HPCA: variants seen among roughly 807,000 people sequenced by gnomAD.
HPCA encodes the protein hippocalcin.
HPCA carries 4 observed loss-of-function variants against 18.2 expected under a neutral mutation model. That is an observed-to-expected ratio of 0.22 (90% CI 0.11 to 0.50). HPCA has a LOEUF of 0.50. HPCA is among the 20% of genes least tolerant of loss of function. HPCA has a pLI of 0.97. For synonymous variants in HPCA, 93 were observed against 103.5 expected, an observed-to-expected ratio of 0.90 and a Z score of 0.61; for missense variants, 161 against 265.8, an observed-to-expected ratio of 0.61 and a Z score of 2.74.
At position 32,886,523 on chromosome 1, in the gene HPCA, G is replaced by A. The variant is rs1211119239; in HGVS notation, c.-22+8G>A. The A allele has an allele frequency of 6.6e-6, 1 of 152,210 alleles. No homozygotes were observed. The highest frequency in any genetic ancestry group is 1.5e-5 in the Non-Finnish European group (1 of 68,082). The allele number at this position is 152,210 out of a possible 1,614,324, so 9.4% of individuals were successfully genotyped here. A position where few individuals can be genotyped will look rare whatever the true frequency, so the allele number is the denominator to read the frequency against. On this transcript the variant is annotated splice_region_variant and intron_variant, in intron 1 of 3. Coordinates refer to ENST00000373467, the MANE Select transcript of HPCA (RefSeq NM_002143.3). The surrounding 1 kb of genome is among the most constrained non-coding windows in gnomAD (Gnocchi z 7.0). ...GTGTCTCCGCGTCGCTGGGTGAGTG[G>A]GGGCAGCTCCAGCCGGGGCCGGGGG...
At chr1:32,892,447 A>C (rs1391946775) in intron 2 of HPCA, among the ~76,000 whole-genome samples, 1 of 152,152 alleles carries the variant, frequency 6.6e-6, no homozygotes, top group Non-Finnish European at 1.5e-5. Flanking sequence ...CCTGGGTTGG[A>C]GAAGACCTCG....
In HPCA at chr1:32,894,154, CCAA is replaced by C; in HGVS notation, c.*293_*295del. ...CCAGCCCCAAGGCCCGACCCCTCCC[CCAA>C]AGGGGCAGTCCCCTTCTTGCAGGTC... On this transcript the variant is annotated 3_prime_UTR_variant, in exon 4 of 4. Transcript: ENST00000373467. 1 of 415,264 alleles carries C rather than the reference CCAA, an allele frequency of 2.4e-6. No homozygotes were observed. Among genetic ancestry groups the C allele is most frequent in the Non-Finnish European group, 4.3e-6 (1 of 230,646 alleles). The allele number at this position is 415,264 out of a possible 1,614,324, so 25.7% of individuals were successfully genotyped here.
chr1:32,887,052 A>G (rs1177119471), intron 1 of HPCA, among the ~76,000 whole-genome samples: 1 of 152,116 alleles, frequency 6.6e-6, no homozygotes, highest in African/African-American at 2.4e-5. Flanking sequence ...AGTGCGGGAC[A>G]TGCCCCAGCC....
In HPCA at chr1:32,893,922, C is replaced by T. The variant is rs1341364554; in HGVS notation, c.*60C>T. 5 of 1,217,042 alleles carry T rather than the reference C, an allele frequency of 4.1e-6. No homozygotes were observed. The highest frequency in any genetic ancestry group is 5.9e-6 in the Non-Finnish European group (5 of 849,102). 75.4% of individuals were successfully genotyped at this position (1,217,042 alleles called of 1,614,324 possible). Reference sequence around the variant, plus strand: ...CGGCCCCCTCCCGGCTCTTAGCTTCCACTCCCTTGTGTGTATTCTGGCTGG... The same window carrying T: ...CGGCCCCCTCCCGGCTCTTAGCTTCTACTCCCTTGTGTGTATTCTGGCTGG... On this transcript the variant is annotated 3_prime_UTR_variant, in exon 4 of 4. Coordinates refer to ENST00000373467, the MANE Select transcript of HPCA (RefSeq NM_002143.3). This position sits in a 1 kb window ranked among gnomAD's most constrained non-coding sequence, Gnocchi z 7.5.
In HPCA at chr1:32,886,838, C is replaced by T. The variant is rs1310751813; in HGVS notation, c.-22+323C>T. On this transcript the variant is annotated intron_variant, in intron 1 of 3. Transcript: ENST00000373467. The surrounding 1 kb of genome is among the most constrained non-coding windows in gnomAD (Gnocchi z 7.0). ...GCTGAGGGAGGTTTGGAGCGGGTCCCCGGGGCTGGCTTCTCAGGTCGAGCT... is the reference window on the plus strand; with the variant it reads ...GCTGAGGGAGGTTTGGAGCGGGTCCTCGGGGCTGGCTTCTCAGGTCGAGCT... 2.0e-5 allele frequency among the ~76,000 whole-genome samples: 3 copies of T among 152,128 alleles called. No homozygotes were observed. Among genetic ancestry groups the T allele is most frequent in the Non-Finnish European group, 4.4e-5 (3 of 68,012 alleles).
rs115043555 is a variant in HPCA at position 32,893,313 on chromosome 1, C to T, written c.379-211C>T. 6.1e-3 allele frequency among the ~76,000 whole-genome samples: 927 copies of T among 152,298 alleles called. 10 individuals are homozygous for T. The highest frequency in any genetic ancestry group is 0.022 in the African/African-American group (897 of 41,554). On this transcript the variant is annotated intron_variant, in intron 2 of 3. Coordinates refer to ENST00000373467, the MANE Select transcript of HPCA (RefSeq NM_002143.3). This position sits in a 1 kb window ranked among gnomAD's most constrained non-coding sequence, Gnocchi z 7.5. The stretch of plus-strand genomic sequence containing the variant: ...TCCCACCCAGCCCTCCAAGGGAGCG[C>T]GGCAGGGCCCGCCCGATAGCCCTCT...
intron 2 of HPCA, among the ~76,000 whole-genome samples, chr1:32,892,400 T>C (rs1473426764): frequency 6.6e-6 from 1 of 152,132 alleles, no homozygotes; most frequent in East Asian, 1.9e-4. Flanking sequence ...AAAGGAAAAG[T>C]CCGCCAGGCT....
chr1:32,892,337 T>C (rs1356928558), intron 2 of HPCA, among the ~76,000 whole-genome samples: 1 of 152,170 alleles, frequency 6.6e-6, no homozygotes, highest in East Asian at 1.9e-4. Flanking sequence ...TAGACGTCCA[T>C]GTTTGCAGGA....
At position 32,893,848 on chromosome 1, in the gene HPCA, G is replaced by A. The variant is rs550921485; in HGVS notation, c.568G>A (p.Ala190Thr). Residue 190 changes from alanine (A) to threonine (T), a missense_variant, in exon 4 of 4, where the codon GCC (alanine) becomes ACC (threonine). By Grantham distance (58) the Ala-to-Thr change is moderately conservative. Coordinates refer to ENST00000373467, the MANE Select transcript of HPCA (RefSeq NM_002143.3). This position sits in a 1 kb window ranked among gnomAD's most constrained non-coding sequence, Gnocchi z 7.5. ...TCTGCTGCAGTGCGACCCCAGCAGCGCCTCCCAGTTCTGAGAGGAGCCAGG... is the reference window on the plus strand; with the variant it reads ...TCTGCTGCAGTGCGACCCCAGCAGCACCTCCCAGTTCTGAGAGGAGCCAGG... ...VRLLQCDPSS[A>T]SQF 2.0e-4 allele frequency: 318 copies of A among 1,570,368 alleles called. 4 individuals are homozygous for A. In the South Asian group the frequency reaches 3.5e-3, roughly 17 times the overall value.
At chr1:32,887,571 T>G (rs1641390947) in intron 1 of HPCA, among the ~76,000 whole-genome samples, 1 of 152,012 alleles carries the variant, frequency 6.6e-6, no homozygotes, top group African/African-American at 2.4e-5. Flanking sequence ...AGGGTAAGTG[T>G]TGGGGAGGCT....
intron 2 of HPCA, among the ~76,000 whole-genome samples, chr1:32,892,828 C>G (rs575597419): frequency 1.4e-4 from 22 of 152,278 alleles, no homozygotes; most frequent in African/African-American, 4.6e-4. Context: ...ACAGGCCAAG[C>G]CCTACGTGCT....
Position 32,894,020 on chromosome 1 carries a change from AC to A in HPCA, c.*163del. 1 of 613,758 alleles carries A rather than the reference AC, an allele frequency of 1.6e-6. No individual in the cohort carries two copies. Among genetic ancestry groups the A allele is most frequent in the South Asian group, 2.0e-5 (1 of 50,982 alleles). 38.0% of individuals were successfully genotyped at this position (613,758 alleles called of 1,614,324 possible). A position where few individuals can be genotyped will look rare whatever the true frequency, so the allele number is the denominator to read the frequency against. On this transcript the variant is annotated 3_prime_UTR_variant, in exon 4 of 4. Transcript: ENST00000373467. The stretch of plus-strand genomic sequence containing the variant: ...CTTCCGGAAAAGGGAACCCTGCGGT[AC>A]CCCCAGGCCAAAGCAAGTAAGCGGT...
chr1:32,893,712 C>G lies in HPCA; in HGVS notation c.485-53C>G. 1 of 1,469,226 alleles carries G rather than the reference C, an allele frequency of 6.8e-7. No homozygotes were observed. Among genetic ancestry groups the G allele is most frequent in the Non-Finnish European group, 9.4e-7 (1 of 1,063,918 alleles). 91.0% of individuals were successfully genotyped at this position (1,469,226 alleles called of 1,614,324 possible). A position where few individuals can be genotyped will look rare whatever the true frequency, so the allele number is the denominator to read the frequency against. On this transcript the variant is annotated intron_variant, in intron 3 of 3. Coordinates refer to ENST00000373467, the MANE Select transcript of HPCA (RefSeq NM_002143.3). The surrounding 1 kb of genome is among the most constrained non-coding windows in gnomAD (Gnocchi z 7.5). ...CCTGCCTCCCTTTCCCGCTCCGCCTCCCCTCGCTAGGCTGCCGCCTCCTCC... is the reference window on the plus strand; with the variant it reads ...CCTGCCTCCCTTTCCCGCTCCGCCTGCCCTCGCTAGGCTGCCGCCTCCTCC...
At position 32,894,159 on chromosome 1, in the gene HPCA, G is replaced by T; in HGVS notation, c.*297G>T. The T allele has an allele frequency of 2.5e-6, 1 of 399,144 alleles. No homozygotes were observed. The highest frequency in any genetic ancestry group is 4.8e-5 in the South Asian group (1 of 20,992). 24.7% of individuals were successfully genotyped at this position (399,144 alleles called of 1,614,324 possible). A position where few individuals can be genotyped will look rare whatever the true frequency, so the allele number is the denominator to read the frequency against. On this transcript the variant is annotated 3_prime_UTR_variant, in exon 4 of 4. Transcript: ENST00000373467. ...CCCAAGGCCCGACCCCTCCCCCAAA[G>T]GGGCAGTCCCCTTCTTGCAGGTCTC...
At position 32,893,948 on chromosome 1, in the gene HPCA, G is replaced by T; in HGVS notation, c.*86G>T. On this transcript the variant is annotated 3_prime_UTR_variant, in exon 4 of 4. Transcript: ENST00000373467. This position sits in a 1 kb window ranked among gnomAD's most constrained non-coding sequence, Gnocchi z 7.5. ...ACTCCCTTGTGTGTATTCTGGCTGGGGGCCAGATTGGGGAAGCCCTTCTCC... is the reference window on the plus strand; with the variant it reads ...ACTCCCTTGTGTGTATTCTGGCTGGTGGCCAGATTGGGGAAGCCCTTCTCC... 1 of 1,003,888 alleles carries T rather than the reference G, an allele frequency of 1.0e-6. No homozygotes were observed. The allele number at this position is 1,003,888 out of a possible 1,614,324, so 62.2% of individuals were successfully genotyped here.
Position 32,893,952 on chromosome 1 carries a change from C to G in HPCA, c.*90C>G, listed in dbSNP as rs1485911453. On this transcript the variant is annotated 3_prime_UTR_variant, in exon 4 of 4. Coordinates refer to ENST00000373467, the MANE Select transcript of HPCA (RefSeq NM_002143.3). This position sits in a 1 kb window ranked among gnomAD's most constrained non-coding sequence, Gnocchi z 7.5. Reference sequence around the variant, plus strand: ...CCTTGTGTGTATTCTGGCTGGGGGCCAGATTGGGGAAGCCCTTCTCCCCGG... The same window carrying G: ...CCTTGTGTGTATTCTGGCTGGGGGCGAGATTGGGGAAGCCCTTCTCCCCGG... The G allele has an allele frequency of 4.0e-6, 4 of 995,784 alleles. No homozygotes were observed. The highest frequency in any genetic ancestry group is 6.0e-6 in the Non-Finnish European group (4 of 662,544). The allele number at this position is 995,784 out of a possible 1,614,324, so 61.7% of individuals were successfully genotyped here. A position where few individuals can be genotyped will look rare whatever the true frequency, so the allele number is the denominator to read the frequency against.
At chr1:32,888,754 C>T in intron 1 of HPCA, 124 bp from the exon 2 acceptor site, 1 of 907,984 alleles carries the variant, frequency 1.1e-6, no homozygotes, top group Non-Finnish European at 1.7e-6. Context: ...GCCAGTTCCT[C>T]TCTTTCACTG....
intron 2 of HPCA, among the ~76,000 whole-genome samples, chr1:32,890,123 G>A (rs1003330605): frequency 7.2e-5 from 11 of 152,206 alleles, no homozygotes; most frequent in African/African-American, 2.7e-4. Flanking sequence ...GAGAGGTGAG[G>A]TGATGTGCCC....
In HPCA at chr1:32,893,264, C is replaced by T. The variant is rs946026; in HGVS notation, c.379-260C>T. ...TGACCCCTGCGCCCGCTCGGAGCTT[C>T]CACCTGCGGCGCCTTTGCTCCTTTC... On this transcript the variant is annotated intron_variant, in intron 2 of 3. Transcript: ENST00000373467. The surrounding 1 kb of genome is among the most constrained non-coding windows in gnomAD (Gnocchi z 7.5). 0.99 allele frequency among the ~76,000 whole-genome samples: 150,361 copies of T among 152,230 alleles called. 74,285 individuals are homozygous for T. The highest frequency in any genetic ancestry group is 1 in the East Asian group (5,142 of 5,142).
Sources: allele counts gnomAD v4.1 joint callset (sites outside exome capture counted in the v4.1 genomes callset), GRCh38; gene constraint gnomAD v4.1.1; non-coding constraint Gnocchi (gnomAD v3.1); transcripts MANE v1.5; gene names NCBI Gene and HGNC (gene_info 2026-07-23, HGNC 2026-07-21).